Variants in SDK1 observed in about 807,000 individuals in gnomAD.
SDK1 encodes protein sidekick-1.
A neutral mutation model predicts 245.5 loss-of-function variants in SDK1; 157 were observed. The ratio of observed to expected loss-of-function variants is 0.64; its 90% CI spans 0.56 to 0.73. The LOEUF (loss-of-function observed/expected upper bound fraction) is 0.73, where lower values mean the gene tolerates loss of function less well. Ranked by LOEUF, SDK1 falls within the 30% of genes least tolerant of loss-of-function variation. SDK1 has a pLI of 0.00. For missense variants in SDK1, 3,583 were observed against 3,002.3 expected, an observed-to-expected ratio of 1.19 and a Z score of -4.52; for synonymous variants, 1,647 against 1,278.5, an observed-to-expected ratio of 1.29 and a Z score of -6.15.
chr7:4,069,408 C>T (rs1257029098), intron 20 of SDK1, among the ~76,000 whole-genome samples: 1 of 152,220 alleles, frequency 6.6e-6, no homozygotes, highest in African/African-American at 2.4e-5. Flanking sequence ...GGGGGCTTTG[C>T]CTGTGGCATC....
chr7:4,036,054 T>G (rs2128160281), intron 17 of SDK1, among the ~76,000 whole-genome samples: 1 of 152,346 alleles, frequency 6.6e-6, no homozygotes, highest in East Asian at 1.9e-4. Context: ...TAACATTTTC[T>G]ACACCGGATT....
intron 1 of SDK1, among the ~76,000 whole-genome samples, chr7:3,433,893 A>G (rs938480079): frequency 1.3e-5 from 2 of 152,230 alleles, no homozygotes; most frequent in African/African-American, 4.8e-5. Flanking sequence ...GTTTTACATG[A>G]AAGTCATGAT....
intron 4 of SDK1, among the ~76,000 whole-genome samples, chr7:3,707,018 A>G (rs1027129424): frequency 6.6e-6 from 1 of 151,982 alleles, no homozygotes; most frequent in East Asian, 1.9e-4. Flanking sequence ...TGTTTCATTG[A>G]TATTTTGTTT....
intron 1 of SDK1, among the ~76,000 whole-genome samples, chr7:3,318,607 G>T (rs1047409030): frequency 6.6e-6 from 1 of 152,130 alleles, no homozygotes; most frequent in Admixed American, 6.5e-5. Flanking sequence ...TACCTTGGTT[G>T]TCCTTTTCTT....
chr7:3,355,944 A>G (rs767238624), intron 1 of SDK1, among the ~76,000 whole-genome samples: 3 of 152,254 alleles, frequency 2.0e-5, no homozygotes, highest in Non-Finnish European at 2.9e-5. Context: ...TCCAGCATTC[A>G]TGGTATTTCT....
At chr7:4,178,285 A>T (rs1167092697) in intron 34 of SDK1, among the ~76,000 whole-genome samples, 200 bp from the exon 35 acceptor site, 1 of 152,134 alleles carries the variant, frequency 6.6e-6, no homozygotes, top group Non-Finnish European at 1.5e-5. Context: ...CTTTTGCTTA[A>T]TGGTGGTGGG....
At chr7:3,443,814 A>C (rs1780265242) in intron 1 of SDK1, among the ~76,000 whole-genome samples, 1 of 152,192 alleles carries the variant, frequency 6.6e-6, no homozygotes, top group Non-Finnish European at 1.5e-5. Flanking sequence ...TATTGTCATC[A>C]GGCTAGTGAT....
chr7:4,089,463 G>A (rs533988759), intron 22 of SDK1, among the ~76,000 whole-genome samples: 1 of 152,226 alleles, frequency 6.6e-6, no homozygotes, highest in Non-Finnish European at 1.5e-5. Flanking sequence ...CAGGCAGCCT[G>A]TCCCGGGCTG....
intron 1 of SDK1, among the ~76,000 whole-genome samples, chr7:3,471,477 C>G (rs1781178779): frequency 6.6e-6 from 1 of 152,142 alleles, no homozygotes; most frequent in African/African-American, 2.4e-5. Context: ...AATCCTCAAA[C>G]TACAGGTACT....
At chr7:3,415,779 G>A (rs189984449) in intron 1 of SDK1, among the ~76,000 whole-genome samples, 320 of 151,344 alleles carry the variant, frequency 2.1e-3, no homozygotes, top group Non-Finnish European at 3.6e-3. Flanking sequence ...ACATTTCTTC[G>A]GAGTAGGGAC....
intron 1 of SDK1, among the ~76,000 whole-genome samples, chr7:3,493,000 G>C (rs867990012): frequency 2.0e-5 from 3 of 152,016 alleles, no homozygotes; most frequent in Non-Finnish European, 4.4e-5. Context: ...GCCCAGGCTG[G>C]AGTGCAGTGG....
At chr7:3,453,853 C>T (rs1473660690) in intron 1 of SDK1, among the ~76,000 whole-genome samples, 1 of 152,114 alleles carries the variant, frequency 6.6e-6, no homozygotes, top group Non-Finnish European at 1.5e-5. Context: ...ATCCTCCTGC[C>T]TTGGCAGTAT....
At chr7:3,933,872 A>C (rs1780065513) in intron 5 of SDK1, among the ~76,000 whole-genome samples, 1 of 152,232 alleles carries the variant, frequency 6.6e-6, no homozygotes, top group African/African-American at 2.4e-5. Flanking sequence ...CTTTGTGGTT[A>C]GAAACTGAAG....
chr7:3,966,569 T>C (rs1782100277), intron 9 of SDK1, among the ~76,000 whole-genome samples: 1 of 152,138 alleles, frequency 6.6e-6, no homozygotes, highest in Admixed American at 6.5e-5. Context: ...CTCCCAGAAA[T>C]GTATCTTTAT....
chr7:3,736,529 C>G (rs1779322756), intron 4 of SDK1, among the ~76,000 whole-genome samples: 1 of 152,150 alleles, frequency 6.6e-6, no homozygotes, highest in South Asian at 2.1e-4. Flanking sequence ...ACCTCGGCCT[C>G]CCAAAGTGCT....
chr7:4,039,419 T>C (rs1367102426), intron 17 of SDK1, among the ~76,000 whole-genome samples: 1 of 152,148 alleles, frequency 6.6e-6, no homozygotes. Flanking sequence ...TATAAAAGTA[T>C]ATAAAGTGGC....
At chr7:4,198,901 C>T (rs1223100026) in intron 35 of SDK1, among the ~76,000 whole-genome samples, 1 of 151,822 alleles carries the variant, frequency 6.6e-6, no homozygotes, top group Non-Finnish European at 1.5e-5. Flanking sequence ...GCAACCTCCG[C>T]CTCCCTGGTT....
chr7:3,425,810 A>G lies in SDK1; in HGVS notation c.298+123926A>G, dbSNP rs1042225556. 2.6e-5 allele frequency among the ~76,000 whole-genome samples: 4 copies of G among 152,212 alleles called. No homozygotes were observed. In the East Asian group the frequency reaches 7.7e-4, roughly 29 times the overall value. On this transcript the variant is annotated intron_variant, in intron 1 of 44. Coordinates refer to ENST00000404826, the MANE Select transcript of SDK1 (RefSeq NM_152744.4). Reference sequence around the variant, plus strand: ...GAAAAGTATGTGTAAAAAGCCAGCCATGATGATCTTTTACCTACACTTCCT... The same window carrying G: ...GAAAAGTATGTGTAAAAAGCCAGCCGTGATGATCTTTTACCTACACTTCCT...
At chr7:3,341,465 C>T (rs190893123) in intron 1 of SDK1, among the ~76,000 whole-genome samples, 3 of 152,300 alleles carry the variant, frequency 2.0e-5, no homozygotes, top group Admixed American at 1.3e-4. Context: ...TTCAGTCTTA[C>T]CTTTGCTGTC....
Sources: allele counts gnomAD v4.1 joint callset (sites outside exome capture counted in the v4.1 genomes callset), GRCh38; gene constraint gnomAD v4.1.1; transcripts MANE v1.5; gene names NCBI Gene and HGNC (gene_info 2026-07-23, HGNC 2026-07-21).